TULP1: variants seen among roughly 807,000 people sequenced by gnomAD.
TULP1 encodes TUB like protein 1, also known as tubby-related protein 1.
A neutral mutation model predicts 67.1 loss-of-function variants in TULP1; 50 were observed. The observed-to-expected ratio is 0.75, with a 90% confidence interval of 0.59 to 0.94. TULP1 has a LOEUF of 0.94. TULP1 is among the 40% of genes least tolerant of loss of function. The pLI is 0.00. For synonymous variants in TULP1, 297 were observed against 294.0 expected (o/e 1.01, Z -0.11); for missense variants, 746 against 734.1 (o/e 1.02, Z -0.19).
intron 8 of TULP1, 88 bp from the exon 9 acceptor site, chr6:35,506,367 A>T: frequency 6.6e-7 from 1 of 1,525,712 alleles, no homozygotes; most frequent in Non-Finnish European, 8.9e-7. Flanking sequence ...GCTCCCTGGC[A>T]GCCCGGCACG....
At chr6:35,499,327 G>A (rs1581735494) in intron 14 of TULP1, among the ~76,000 whole-genome samples, 3 of 152,344 alleles carry the variant, frequency 2.0e-5, no homozygotes, top group South Asian at 4.1e-4. Flanking sequence ...ATCTTGAAGA[G>A]ATTAAGAGCA....
At position 35,506,146 on chromosome 6, in the gene TULP1, CG is replaced by C; in HGVS notation, c.855del (p.Val286TrpfsTer24). 6.2e-7 allele frequency: 1 copy of C among 1,613,502 alleles called. No individual in the cohort carries two copies. Among genetic ancestry groups the C allele is most frequent in the Non-Finnish European group, 8.5e-7 (1 of 1,179,882 alleles). Reference protein sequence around the residue: ...KAKEERAPSPPVEVDEPREFV... With the variant: ...KAKEERAPSPXVEVDEPREFV... ...AACTCCCGGGGTTCGTCCACCTCCA[CG>C]GGGGGAGACGGGGCCCTCTCCTCCT... On this transcript the variant is annotated frameshift_variant, in exon 10 of 15. Transcript: ENST00000229771. LOFTEE classifies it high-confidence loss of function.
chr6:35,509,555 T>C (rs1761154848), intron 7 of TULP1, 79 bp downstream of exon 7: 1 of 1,421,922 alleles, frequency 7.0e-7, no homozygotes, highest in Non-Finnish European at 9.9e-7. Flanking sequence ...CACTGTCTTG[T>C]ATGCTGTAAG....
Position 35,498,788 on chromosome 6 carries a change from T to C in TULP1, c.1496-328A>G, listed in dbSNP as rs935830855. ...GCATTCTTCCTTCCCAAATTCTCTGTTGTTTCTGGCCACAGTCTTTCCTCC... is the reference window on the plus strand; with the variant it reads ...GCATTCTTCCTTCCCAAATTCTCTGCTGTTTCTGGCCACAGTCTTTCCTCC... On this transcript the variant is annotated intron_variant, in intron 14 of 14. Transcript: ENST00000229771. This position sits in a 1 kb window ranked among gnomAD's most constrained non-coding sequence, Gnocchi z 6.7. Among the ~76,000 whole-genome samples, 3 of 152,200 alleles carry C rather than the reference T, an allele frequency of 2.0e-5. No homozygotes were observed. Among genetic ancestry groups the C allele is most frequent in the African/African-American group, 7.2e-5 (3 of 41,436 alleles).
rs145986072 is a variant in TULP1 at position 35,503,821 on chromosome 6, C to G, written c.1140G>C (p.Thr380=). 6.2e-6 allele frequency: 10 copies of G among 1,611,874 alleles called. No individual in the cohort carries two copies. In the East Asian group the frequency reaches 6.7e-5, roughly 11 times the overall value. Residue 380 remains threonine (T), a synonymous_variant, in exon 12 of 15, where the codon ACG becomes ACC. Transcript: ENST00000229771. This position sits in a 1 kb window ranked among gnomAD's most constrained non-coding sequence, Gnocchi z 4.0. ...GTGGGTTCTGCCCGTTGTCAAAGAC[C>G]GTGAAGCGGTTCCCCAGGAGGTTGG... ...LRSNLLGNRF[T]VFDNGQNPQR...
chr6:35,503,979 T>C lies in TULP1; in HGVS notation c.1113-131A>G. On this transcript the variant is annotated intron_variant, in intron 11 of 14. Coordinates refer to ENST00000229771, the MANE Select transcript of TULP1 (RefSeq NM_003322.6). The surrounding 1 kb of genome is among the most constrained non-coding windows in gnomAD (Gnocchi z 4.0). The stretch of plus-strand genomic sequence containing the variant: ...GGGTGAGTTAGGACTGAGCAATTCA[T>C]GTCCCCTGCCCCAGGCTTCCCCCTA... 1.5e-6 allele frequency: 1 copy of C among 678,474 alleles called. No individual in the cohort carries two copies. The highest frequency in any genetic ancestry group is 2.6e-6 in the Non-Finnish European group (1 of 389,984). The allele number at this position is 678,474 out of a possible 1,614,324, so 42.0% of individuals were successfully genotyped here. A position where few individuals can be genotyped will look rare whatever the true frequency, so the allele number is the denominator to read the frequency against.
intron 11 of TULP1, chr6:35,505,484 C>A: frequency 1.0e-6 from 1 of 990,608 alleles, no homozygotes; most frequent in Non-Finnish European, 1.5e-6. Context: ...CCAAGTGAGG[C>A]CCTGGGCTGG....
Position 35,503,779 on chromosome 6 carries a change from A to G in TULP1, c.1182T>C (p.Thr394=). Residue 394 remains threonine (T), a synonymous_variant, in exon 12 of 15, where the codon ACT becomes ACC. Coordinates refer to ENST00000229771, the MANE Select transcript of TULP1 (RefSeq NM_003322.6). The surrounding 1 kb of genome is among the most constrained non-coding windows in gnomAD (Gnocchi z 4.0). ...GCTCCTGCCGAAGGCTTGCCACATT[A>G]GTGCTGTACCCACGCTGTGGGTTCT... The part of the protein sequence containing the change: ...NGQNPQRGYS[T]NVASLRQELA... The G allele has an allele frequency of 6.2e-7, 1 of 1,613,724 alleles. No homozygotes were observed. The highest frequency in any genetic ancestry group is 1.1e-5 in the South Asian group (1 of 90,994).
At chr6:35,507,328 T>C (rs1761107001) in intron 8 of TULP1, among the ~76,000 whole-genome samples, 1 of 151,920 alleles carries the variant, frequency 6.6e-6, no homozygotes. Context: ...TCATTTCCAG[T>C]GAAGCCTTCA....
intron 1 of TULP1, 36 bp downstream of exon 1, chr6:35,512,776 A>G (rs1040158798): frequency 4.2e-5 from 52 of 1,228,108 alleles, no homozygotes; most frequent in Non-Finnish European, 4.9e-5. Flanking sequence ...TAGGCCCCCC[A>G]GGGTTCAGGT....
Position 35,497,964 on chromosome 6 carries a change from C to G in TULP1, c.*363G>C. On this transcript the variant is annotated 3_prime_UTR_variant, in exon 15 of 15. Transcript: ENST00000229771. Reference sequence around the variant, plus strand: ...CTCCTCCTAGCCCGCCCCAGCTCCTCGGAGCCCTAGCGCGGTCCCGGGGAG... The same window carrying G: ...CTCCTCCTAGCCCGCCCCAGCTCCTGGGAGCCCTAGCGCGGTCCCGGGGAG... 1 of 369,628 alleles carries G rather than the reference C, an allele frequency of 2.7e-6. No homozygotes were observed. The highest frequency in any genetic ancestry group is 5.1e-6 in the Non-Finnish European group (1 of 196,476). 22.9% of individuals were successfully genotyped at this position (369,628 alleles called of 1,614,324 possible).
In TULP1 at chr6:35,506,086, G is replaced by T. The variant is rs944741344; in HGVS notation, c.916C>A (p.Arg306Ser). The change falls in exon 10 of 15, where the codon CGC becomes AGC. Residue 306 changes from arginine (R) to serine (S), a missense_variant. Arg to Ser is a moderately radical substitution (Grantham distance 110, BLOSUM62 -1). This residue lies in a region of TULP1 where 383 missense variants were observed against 374.1 expected (regional missense o/e 1.02). Coordinates refer to ENST00000229771, the MANE Select transcript of TULP1 (RefSeq NM_003322.6). ...TTTTTGTCCCGGGTCAGCCGGCAGC[G>T]CACCGTGCGGCCCTGGGGGGCAGGC... is the stretch of plus-strand genomic sequence containing the variant. ...LRPAPQGRTVRCRLTRDKKGM... is the reference protein window; with the variant it reads ...LRPAPQGRTVSCRLTRDKKGM... 6.2e-7 allele frequency: 1 copy of T among 1,613,438 alleles called. No homozygotes were observed.
chr6:35,501,626 T>A (rs1393980422), intron 13 of TULP1, among the ~76,000 whole-genome samples: 1 of 149,050 alleles, frequency 6.7e-6, no homozygotes, highest in African/African-American at 2.5e-5. Context: ...AACCTGGCCA[T>A]CATGGCAAAA....
rs1309287323 is a variant in TULP1 at position 35,498,202 on chromosome 6, T to G, written c.*125A>C. 16 of 1,440,708 alleles carry G rather than the reference T, an allele frequency of 1.1e-5. No homozygotes were observed. Among genetic ancestry groups the G allele is most frequent in the African/African-American group, 1.4e-5 (1 of 70,610 alleles). The allele number at this position is 1,440,708 out of a possible 1,614,324, so 89.2% of individuals were successfully genotyped here. A position where few individuals can be genotyped will look rare whatever the true frequency, so the allele number is the denominator to read the frequency against. On this transcript the variant is annotated 3_prime_UTR_variant, in exon 15 of 15. Coordinates refer to ENST00000229771, the MANE Select transcript of TULP1 (RefSeq NM_003322.6). The surrounding 1 kb of genome is among the most constrained non-coding windows in gnomAD (Gnocchi z 6.7). ...GAGGACGGAGGTCACCGAGAGGCAG[T>G]GAGAGGTCAGCCCCGACACAGGAGC... is the stretch of plus-strand genomic sequence containing the variant.
At chr6:35,501,245 G>A (rs959614871) in intron 13 of TULP1, among the ~76,000 whole-genome samples, 4 of 151,966 alleles carry the variant, frequency 2.6e-5, no homozygotes, top group African/African-American at 7.3e-5. Context: ...AGTGGCTCAC[G>A]CATATAATCC....
chr6:35,512,508 C>A (rs750944320), intron 2 of TULP1, 131 bp downstream of exon 2: 6 of 1,268,492 alleles, frequency 4.7e-6, no homozygotes, highest in Admixed American at 1.9e-5. Flanking sequence ...CTTTCTCCCC[C>A]CAGATCTCCA....
chr6:35,500,553 T>C (rs540282907), intron 13 of TULP1, among the ~76,000 whole-genome samples: 1 of 152,256 alleles, frequency 6.6e-6, no homozygotes, highest in South Asian at 2.1e-4. Flanking sequence ...TAAGAGAAAG[T>C]GTACTTGGAG....
intron 5 of TULP1, among the ~76,000 whole-genome samples, chr6:35,510,158 A>T (rs1761167789): frequency 6.6e-6 from 1 of 151,814 alleles, no homozygotes; most frequent in Non-Finnish European, 1.5e-5. Flanking sequence ...GGTTCAAGTG[A>T]TTCTTGTGCC....
Position 35,503,724 on chromosome 6 carries a change from G to A in TULP1, c.1224+13C>T, listed in dbSNP as rs1208150064. ...GGGAGCAGCCTGGCATGGGGGACAG[G>A]TGGAGTCCTCACATAGATCACAGCT... On this transcript the variant is annotated intron_variant, in intron 12 of 14. Coordinates refer to ENST00000229771, the MANE Select transcript of TULP1 (RefSeq NM_003322.6). The surrounding 1 kb of genome is among the most constrained non-coding windows in gnomAD (Gnocchi z 4.0). 2 of 1,610,476 alleles carry A rather than the reference G, an allele frequency of 1.2e-6. No homozygotes were observed. Among genetic ancestry groups the A allele is most frequent in the East Asian group, 2.2e-5 (1 of 44,704 alleles).
Sources: allele counts gnomAD v4.1 joint callset (sites outside exome capture counted in the v4.1 genomes callset), GRCh38; gene constraint gnomAD v4.1.1; regional missense constraint gnomAD v4.1.1; non-coding constraint Gnocchi (gnomAD v3.1); transcripts MANE v1.5; gene names NCBI Gene and HGNC (gene_info 2026-07-23, HGNC 2026-07-21).